The following PBRM1 variants were observed in gnomAD, a reference collection of about 807,000 sequenced individuals.
PBRM1 encodes the protein polybromo 1.
In PBRM1, 27 loss-of-function variants were observed where a neutral mutation model predicts 194.5. The ratio of observed to expected loss-of-function variants is 0.14; its 90% CI spans 0.10 to 0.19. The LOEUF (loss-of-function observed/expected upper bound fraction) is 0.19. PBRM1 is among the 10% of genes least tolerant of loss of function. The pLI is 1.00. For synonymous variants in PBRM1, 655 were observed against 693.2 expected (o/e 0.94, Z 0.87); for missense variants, 1,466 against 2,077.2 (o/e 0.71, Z 5.72).
chr3:52,646,614 T>G (rs2096296480), intron 7 of PBRM1, among the ~76,000 whole-genome samples: 1 of 137,840 alleles, frequency 7.3e-6, no homozygotes, highest in Non-Finnish European at 1.6e-5. Context: ...TCAATTGATT[T>G]CTAACAAAGT....
intron 17 of PBRM1, among the ~76,000 whole-genome samples, chr3:52,597,097 A>G (rs938968862): frequency 3.3e-5 from 5 of 152,148 alleles, no homozygotes; most frequent in African/African-American, 1.2e-4. Context: ...GTTCCAATGC[A>G]AATCCCTCAA....
intron 17 of PBRM1, among the ~76,000 whole-genome samples, chr3:52,597,459 A>C (rs973342647): frequency 1.3e-5 from 2 of 152,242 alleles, no homozygotes; most frequent in Non-Finnish European, 2.9e-5. Context: ...CTAGCAATTG[A>C]TTAATCAAGT....
chr3:52,581,596 TTAA>T (rs2091213347), intron 20 of PBRM1, among the ~76,000 whole-genome samples: 4 of 151,884 alleles, frequency 2.6e-5, no homozygotes, highest in Admixed American at 2.6e-4. Context: ...ACCCATGAGA[TTAA>T]TAATACCTTT....
At chr3:52,627,443 C>A in intron 12 of PBRM1, 73 bp from the exon 14 acceptor site, 1 of 828,822 alleles carries the variant, frequency 1.2e-6, no homozygotes, top group Non-Finnish European at 2.0e-6. Flanking sequence ...TGTTAAAGAG[C>A]TAGACATATC....
rs956486852 is a variant in PBRM1 at position 52,588,847 on chromosome 3, C to T, written c.2965+223G>A. 5.3e-5 allele frequency among the ~76,000 whole-genome samples: 8 copies of T among 152,138 alleles called. No homozygotes were observed. The South Asian group carries it at 6.2e-4, about 12-fold the overall frequency. On this transcript the variant is annotated intron_variant, in intron 18 of 29. Transcript: ENST00000296302. ...CTGGGATTACAGGCGTGAGCCACCG[C>T]GCCCGACCTAGAAGCTGTATTTCTT...
Position 52,672,998 on chromosome 3 carries a change from T to C in PBRM1, c.237-4353A>G, listed in dbSNP as rs79905898. On this transcript the variant is annotated intron_variant, in intron 2 of 29. Transcript: ENST00000296302. ...ATTAATTTTTTTTATTAATTTTTAA[T>C]TTTTTTGAGACGGAGTTTTGCTCTT... Among the ~76,000 whole-genome samples, 20 of 152,092 alleles carry C rather than the reference T, an allele frequency of 1.3e-4. No individual in the cohort carries two copies. In the East Asian group the frequency reaches 3.7e-3, roughly 28 times the overall value.
At chr3:52,623,810 T>C (rs1249163906) in intron 13 of PBRM1, among the ~76,000 whole-genome samples, 1 of 152,220 alleles carries the variant, frequency 6.6e-6, no homozygotes. Flanking sequence ...AGTCAGGCTC[T>C]AGAACTCAGG....
intron 7 of PBRM1, among the ~76,000 whole-genome samples, chr3:52,648,110 T>C (rs1182805088): frequency 6.6e-6 from 1 of 152,078 alleles, no homozygotes; most frequent in Non-Finnish European, 1.5e-5. Flanking sequence ...GGTTTCACTA[T>C]GTTGGCCAGG....
intron 13 of PBRM1, among the ~76,000 whole-genome samples, chr3:52,617,922 G>A (rs1227137367): frequency 7.2e-5 from 11 of 152,104 alleles, no homozygotes; most frequent in African/African-American, 2.2e-4. Context: ...AATTCTCTAC[G>A]GTTATAATAT....
rs529796877 is a variant in PBRM1 at position 52,621,090 on chromosome 3, C to A, written c.1542-3552G>T. ...CCAATATGGAGGCTGAGCCTTATAT[C>A]CATGACTTCTGAAAGTTTAAAATAC... is the stretch of plus-strand genomic sequence containing the variant. On this transcript the variant is annotated intron_variant, in intron 13 of 29. Transcript: ENST00000296302. Among the ~76,000 whole-genome samples, 3 of 152,306 alleles carry A rather than the reference C, an allele frequency of 2.0e-5. No homozygotes were observed. The South Asian group carries it at 6.2e-4, about 32-fold the overall frequency.
intron 2 of PBRM1, among the ~76,000 whole-genome samples, chr3:52,675,359 A>T (rs2097074892): frequency 6.6e-6 from 1 of 152,208 alleles, no homozygotes; most frequent in Non-Finnish European, 1.5e-5. Flanking sequence ...GTCCTAACTT[A>T]TTCTATGAAG....
chr3:52,627,283 T>C (rs1011750064), exon 13 of PBRM1: 1 of 1,597,856 alleles, frequency 6.3e-7, no homozygotes. Context: ...CTTTTTCTTT[T>C]GGCACTACCA....
intron 2 of PBRM1, among the ~76,000 whole-genome samples, chr3:52,674,260 T>C (rs2097029536): frequency 6.6e-6 from 1 of 151,788 alleles, no homozygotes; most frequent in African/African-American, 2.4e-5. Context: ...GGTAGGCGGA[T>C]CACCTAAGGT....
chr3:52,658,803 C>T (rs2096659909), intron 4 of PBRM1, among the ~76,000 whole-genome samples: 1 of 152,194 alleles, frequency 6.6e-6, no homozygotes, highest in South Asian at 2.1e-4. Context: ...CTATATGAAC[C>T]TAATGAGGTG....
chr3:52,592,155 A>T, intron 17 of PBRM1, among the ~76,000 whole-genome samples: 1 of 115,918 alleles, frequency 8.6e-6, no homozygotes, highest in South Asian at 2.9e-4. Flanking sequence ...AAGACTTGAG[A>T]TGGATTCTCG....
intron 13 of PBRM1, among the ~76,000 whole-genome samples, 160 bp from the exon 15 acceptor site, chr3:52,625,101 G>GA (rs1212894235): frequency 6.6e-6 from 1 of 152,130 alleles, no homozygotes; most frequent in East Asian, 1.9e-4. Flanking sequence ...GATGTTGGCA[G>GA]AAAGAATGCA....
chr3:52,680,399 G>A (rs911784734), upstream of PBRM1, among the ~76,000 whole-genome samples: 1 of 152,110 alleles, frequency 6.6e-6, no homozygotes, highest in Non-Finnish European at 1.5e-5. Flanking sequence ...CCTAGACAGA[G>A]GTACAAACTA....
chr3:52,597,339 T>C (rs555954859), intron 17 of PBRM1, among the ~76,000 whole-genome samples: 73 of 152,290 alleles, frequency 4.8e-4, no homozygotes, highest in African/African-American at 1.5e-3. Context: ...GGGAGGACAA[T>C]TGGTGGAGGC....
At chr3:52,651,603 C>T (rs1403551404) in intron 6 of PBRM1, 139 bp downstream of exon 7, 4 of 432,566 alleles carry the variant, frequency 9.2e-6, no homozygotes, top group Non-Finnish European at 1.7e-5. Flanking sequence ...ATCAGTAACA[C>T]TATTTTAATT....
Sources: allele counts gnomAD v4.1 joint callset (sites outside exome capture counted in the v4.1 genomes callset), GRCh38; gene constraint gnomAD v4.1.1; transcripts MANE v1.5; gene names NCBI Gene and HGNC (gene_info 2026-07-23, HGNC 2026-07-21).